The following KCNN2 variants were observed in gnomAD, a reference collection of about 807,000 sequenced individuals.
The protein encoded by KCNN2 is potassium calcium-activated channel subfamily N member 2.
KCNN2 carries 24 observed loss-of-function variants against 55.5 expected under a neutral mutation model. That is an observed-to-expected ratio of 0.43 (90% CI 0.31 to 0.61). KCNN2 has a LOEUF of 0.61. Ranked by LOEUF, KCNN2 falls within the 20% of genes least tolerant of loss-of-function variation. The pLI, the probability that KCNN2 is intolerant of heterozygous loss-of-function variation, is 0.08. For synonymous variants in KCNN2, 431 were observed against 336.1 expected (o/e 1.28, Z -3.09); for missense variants, 754 against 853.6 (o/e 0.88, Z 1.45).
chr5:114,186,292 A>C (rs1753329532), intron 1 of KCNN2, among the ~76,000 whole-genome samples: 1 of 152,124 alleles, frequency 6.6e-6, no homozygotes, highest in Non-Finnish European at 1.5e-5. Context: ...CTAGATGTAA[A>C]ATTGTTGAAT....
chr5:114,149,072 A>G (rs911361694), intron 1 of KCNN2, among the ~76,000 whole-genome samples: 8 of 152,106 alleles, frequency 5.3e-5, no homozygotes, highest in African/African-American at 1.9e-4. Flanking sequence ...CAAGGACAAT[A>G]TTTTTCAATA....
intron 2 of KCNN2, among the ~76,000 whole-genome samples, chr5:114,374,864 G>A (rs1214428311): frequency 6.6e-6 from 1 of 152,086 alleles, no homozygotes; most frequent in African/African-American, 2.4e-5. Flanking sequence ...TGATTATGTA[G>A]CTATCCGTAG....
chr5:114,405,499 G>A (rs1185879405), intron 3 of KCNN2, among the ~76,000 whole-genome samples: 7 of 152,224 alleles, frequency 4.6e-5, no homozygotes, highest in East Asian at 3.9e-4. Flanking sequence ...TCAGTTATAC[G>A]TTAATAATGT....
At chr5:114,162,229 C>T (rs913692015) in intron 1 of KCNN2, among the ~76,000 whole-genome samples, 14 of 152,152 alleles carry the variant, frequency 9.2e-5, no homozygotes, top group Non-Finnish European at 1.6e-4. Flanking sequence ...CAGTCAGGAC[C>T]CTCAGCTGCA....
chr5:114,485,932 C>G (rs1380101548), intron 5 of KCNN2, among the ~76,000 whole-genome samples: 1 of 152,108 alleles, frequency 6.6e-6, no homozygotes, highest in Non-Finnish European at 1.5e-5. Context: ...AAAGCTCATC[C>G]TTATTGTAAA....
At chr5:114,299,628 C>T (rs1421797154) in intron 2 of KCNN2, among the ~76,000 whole-genome samples, 1 of 152,172 alleles carries the variant, frequency 6.6e-6, no homozygotes, top group East Asian at 1.9e-4. Context: ...GACCTCCATA[C>T]AGACACAGCC....
At chr5:114,337,259 T>C (rs941281825) in intron 2 of KCNN2, among the ~76,000 whole-genome samples, 3 of 152,166 alleles carry the variant, frequency 2.0e-5, no homozygotes, top group Non-Finnish European at 2.9e-5. Context: ...GGGTTATAAA[T>C]AGACATAGAA....
chr5:114,442,251 TA>T (rs1760244717), intron 3 of KCNN2, among the ~76,000 whole-genome samples: 1 of 150,486 alleles, frequency 6.6e-6, no homozygotes, highest in Non-Finnish European at 1.5e-5. Flanking sequence ...TATATACATA[TA>T]TATATATAAT....
At chr5:114,298,572 G>T (rs1039309992) in intron 2 of KCNN2, among the ~76,000 whole-genome samples, 6 of 152,046 alleles carry the variant, frequency 3.9e-5, no homozygotes, top group Admixed American at 1.3e-4. Flanking sequence ...AAAAAAACAG[G>T]ATCCAAAATT....
intron 3 of KCNN2, among the ~76,000 whole-genome samples, chr5:114,412,967 A>G (rs1175291415): frequency 6.6e-6 from 1 of 152,184 alleles, no homozygotes. Context: ...TGGATTTGTA[A>G]TTTGTGGTTG....
At chr5:114,160,805 T>C (rs1752757809) in intron 1 of KCNN2, among the ~76,000 whole-genome samples, 1 of 149,944 alleles carries the variant, frequency 6.7e-6, no homozygotes, top group Non-Finnish European at 1.5e-5. Flanking sequence ...AAGTCTGTTT[T>C]ATCAGAGACT....
chr5:114,466,932 T>A (rs925652823), intron 4 of KCNN2, among the ~76,000 whole-genome samples: 1 of 152,156 alleles, frequency 6.6e-6, no homozygotes, highest in Non-Finnish European at 1.5e-5. Flanking sequence ...TCGCAGTTCA[T>A]AGCAATTTGA....
At chr5:114,210,395 G>T (rs1753858793) in intron 1 of KCNN2, among the ~76,000 whole-genome samples, 1 of 152,084 alleles carries the variant, frequency 6.6e-6, no homozygotes, top group Non-Finnish European at 1.5e-5. Context: ...ACCTAACCCT[G>T]TATTTCCCCT....
intron 2 of KCNN2, among the ~76,000 whole-genome samples, chr5:114,319,338 A>T (rs1428825107): frequency 6.6e-6 from 1 of 152,128 alleles, no homozygotes; most frequent in Non-Finnish European, 1.5e-5. Context: ...AGCCCTATGA[A>T]GACAGAGAAA....
chr5:114,463,256 C>T (rs1761289183), intron 4 of KCNN2, 66 bp downstream of exon 4: 2 of 1,276,380 alleles, frequency 1.6e-6, no homozygotes, highest in Admixed American at 2.2e-5. Flanking sequence ...CCACTCAGTC[C>T]ACGTGCATAA....
chr5:114,227,981 TTGA>T (rs998927762), intron 2 of KCNN2, among the ~76,000 whole-genome samples: 1 of 149,130 alleles, frequency 6.7e-6, no homozygotes, highest in African/African-American at 2.5e-5. Flanking sequence ...CAAACAATGA[TTGA>T]TGATGATGAC....
chr5:114,441,093 A>C (rs1043471360), intron 3 of KCNN2, among the ~76,000 whole-genome samples: 1 of 152,164 alleles, frequency 6.6e-6, no homozygotes, highest in African/African-American at 2.4e-5. Flanking sequence ...GTAGGAATAA[A>C]AAAAGATCAC....
intron 1 of KCNN2, among the ~76,000 whole-genome samples, chr5:114,161,910 T>C (rs892107938): frequency 2.6e-5 from 4 of 152,210 alleles, no homozygotes; most frequent in Non-Finnish European, 4.4e-5. Context: ...CGTCTAGTTT[T>C]TGTTCAAGGT....
At chr5:114,238,126 A>C (rs1285475866) in intron 2 of KCNN2, among the ~76,000 whole-genome samples, 1 of 152,214 alleles carries the variant, frequency 6.6e-6, no homozygotes, top group African/African-American at 2.4e-5. Context: ...AACATAATTC[A>C]CATGCAGAAG....
Sources: gnomAD v4.1 joint callset for allele counts (sites outside exome capture counted in the v4.1 genomes callset) on GRCh38, gnomAD v4.1.1 for gene constraint, MANE v1.5 for transcripts, NCBI Gene and HGNC (gene_info 2026-07-23, HGNC 2026-07-21) for gene names.